The following CR2 variants were observed in gnomAD, a reference collection of about 807,000 sequenced individuals.
CR2 encodes complement C3d receptor 2, also known as complement receptor type 2.
CR2 carries 96 observed loss-of-function variants against 123.0 expected under a neutral mutation model. The ratio of observed to expected loss-of-function variants is 0.78; its 90% CI spans 0.66 to 0.93. The LOEUF (loss-of-function observed/expected upper bound fraction) is 0.93, where lower values mean the gene tolerates loss of function less well. CR2 is among the 40% of genes least tolerant of loss of function. The pLI is 0.00. For missense variants in CR2, 1,258 were observed against 1,361.0 expected (o/e 0.92, Z 1.19); for synonymous variants, 484 against 469.5 (o/e 1.03, Z -0.40).
At chr1:207,472,546 T>G (rs1658310402) in intron 9 of CR2, among the ~76,000 whole-genome samples, 1 of 152,196 alleles carries the variant, frequency 6.6e-6, no homozygotes, top group South Asian at 2.1e-4. Flanking sequence ...ACTCCTAATG[T>G]GATGTTGATC....
At chr1:207,480,160 T>C in intron 18 of CR2, 107 bp downstream of exon 18, 1 of 820,206 alleles carries the variant, frequency 1.2e-6, no homozygotes, top group Non-Finnish European at 2.1e-6. Context: ...AATACTGCAA[T>C]GTGATAACTA....
At chr1:207,470,664 T>A (rs1480677802) in intron 6 of CR2, 76 bp from the exon 7 acceptor site, 1 of 1,398,512 alleles carries the variant, frequency 7.2e-7, no homozygotes, top group Non-Finnish European at 1.0e-6. Flanking sequence ...AGCATGAATA[T>A]CAATTTCTTT....
rs749871372 is a variant in CR2 at position 207,469,106 on chromosome 1, C to T, written c.735-44C>T. On this transcript the variant is annotated intron_variant, in intron 4 of 19. Coordinates refer to ENST00000367057, the MANE Select transcript of CR2 (RefSeq NM_001006658.3). ...GTAAGTAGAGGCTGCTGTTCTTCAG[C>T]ACAAACTGCCTAATAGTTCTGAATG... 1.3e-5 allele frequency: 20 copies of T among 1,546,864 alleles called. No individual in the cohort carries two copies. In the Admixed American group the frequency reaches 2.7e-4, roughly 21 times the overall value.
intron 1 of CR2, among the ~76,000 whole-genome samples, chr1:207,460,467 A>G (rs1359871298): frequency 6.6e-6 from 1 of 152,066 alleles, no homozygotes; most frequent in East Asian, 1.9e-4. Context: ...TTATACTTTG[A>G]CTTTCACCCG....
rs778616639 is a variant in CR2 at position 207,468,645 on chromosome 1, G to T, written c.564G>T (p.Leu188Phe). The change falls in exon 3 of 20, where the codon TTG becomes TTT. Residue 188 changes from leucine (L) to phenylalanine (F), a missense_variant. By Grantham distance (22) the Leu-to-Phe change is conservative. Transcript: ENST00000367057. ...CTTACAGCTGTGAATCTGGTTACTT[G>T]CTTGTTGGAGAAAAGATCATTAACT... ...SVTYSCESGYLLVGEKIINCL... is the reference protein window; with the variant it reads ...SVTYSCESGYFLVGEKIINCL... 4 of 1,614,044 alleles carry T rather than the reference G, an allele frequency of 2.5e-6. No individual in the cohort carries two copies. The highest frequency in any genetic ancestry group is 2.5e-6 in the Non-Finnish European group (3 of 1,179,956).
intron 6 of CR2, 88 bp from the exon 7 acceptor site, chr1:207,470,652 A>G: frequency 7.7e-7 from 1 of 1,292,106 alleles, no homozygotes; most frequent in Non-Finnish European, 1.1e-6. Context: ...GAGTGGAATT[A>G]TAGCATGAAT....
chr1:207,473,369 T>G (rs1227063103), intron 10 of CR2, among the ~76,000 whole-genome samples, 176 bp from the exon 11 acceptor site: 18 of 152,178 alleles, frequency 1.2e-4, no homozygotes, highest in Admixed American at 9.8e-4. Context: ...CTGGGATCTA[T>G]TCAGGGTAGA....
intron 19 of CR2, among the ~76,000 whole-genome samples, chr1:207,487,391 A>T (rs1201321391): frequency 6.6e-6 from 1 of 152,172 alleles, no homozygotes; most frequent in African/African-American, 2.4e-5. Context: ...GGTTCAAGTG[A>T]TTCTCATGCC....
At chr1:207,460,522 A>G (rs1013835301) in intron 1 of CR2, among the ~76,000 whole-genome samples, 5 of 152,162 alleles carry the variant, frequency 3.3e-5, no homozygotes, top group Non-Finnish European at 5.9e-5. Flanking sequence ...TAAATTTGAT[A>G]TTTAAATACA....
Position 207,454,772 on chromosome 1 carries a change from C to T in CR2, c.58+296C>T, listed in dbSNP as rs982085684. 3 of 389,792 alleles carry T rather than the reference C, an allele frequency of 7.7e-6. No individual in the cohort carries two copies. The highest frequency in any genetic ancestry group is 4.3e-5 in the Admixed American group (1 of 23,354). The allele number at this position is 389,792 out of a possible 1,614,324, so 24.1% of individuals were successfully genotyped here. ...GTGCTCGCGGTCTCCTGCCGGGCTC[C>T]CCGCCCCCAGGATTCTGCAGGTGCT... is the stretch of plus-strand genomic sequence containing the variant. On this transcript the variant is annotated intron_variant, in intron 1 of 19. Coordinates refer to ENST00000367057, the MANE Select transcript of CR2 (RefSeq NM_001006658.3). This position sits in a 1 kb window ranked among gnomAD's most constrained non-coding sequence, Gnocchi z 4.3.
chr1:207,466,205 T>A (rs111356379), intron 1 of CR2, among the ~76,000 whole-genome samples: 5 of 152,308 alleles, frequency 3.3e-5, no homozygotes, highest in African/African-American at 1.2e-4. Context: ...CATGTAACTA[T>A]CATGCCACTA....
chr1:207,474,942 G>C lies in CR2; in HGVS notation c.2442G>C (p.Leu814=), dbSNP rs778121024. 1 of 1,614,062 alleles carries C rather than the reference G, an allele frequency of 6.2e-7. No individual in the cohort carries two copies. Among genetic ancestry groups the C allele is most frequent in the East Asian group, 2.2e-5 (1 of 44,884 alleles). ...SYECDQGFYL[L]GEKKLQCRSD... Reference sequence around the variant, plus strand: ...AATGTGACCAAGGATTCTATCTCCTGGGAGAGAAAAAATTGCAGTGCAGAA... The same window carrying C: ...AATGTGACCAAGGATTCTATCTCCTCGGAGAGAAAAAATTGCAGTGCAGAA... The change falls in exon 14 of 20, where the codon CTG becomes CTC. Residue 814 remains leucine (L), a synonymous_variant. Transcript: ENST00000367057.
In CR2 at chr1:207,470,842, A is replaced by G. The variant is rs748329891; in HGVS notation, c.1328A>G (p.Tyr443Cys). ...ATAAAATATAGCTGTAACCCTGGCT[A>G]TGTGCTGGTGGGAGAAGAATCCATA... is the stretch of plus-strand genomic sequence containing the variant. ...TSIKYSCNPG[Y>C]VLVGEESIQC... The change falls in exon 7 of 20, where the codon TAT becomes TGT. Residue 443 changes from tyrosine to cysteine, a missense_variant. Tyr to Cys is a radical substitution (Grantham distance 194, BLOSUM62 -2). Coordinates refer to ENST00000367057, the MANE Select transcript of CR2 (RefSeq NM_001006658.3). The G allele has an allele frequency of 6.2e-6, 10 of 1,613,802 alleles. No individual in the cohort carries two copies. The highest frequency in any genetic ancestry group is 3.4e-6 in the Non-Finnish European group (4 of 1,179,892).
In CR2 at chr1:207,467,329, G is replaced by A. The variant is rs528675779; in HGVS notation, c.445+417G>A. Among the ~76,000 whole-genome samples the A allele has an allele frequency of 1.2e-3, 176 of 151,844 alleles. 4 individuals are homozygous for A. In the South Asian group the frequency reaches 0.032, roughly 27 times the overall value. On this transcript the variant is annotated intron_variant, in intron 2 of 19. Coordinates refer to ENST00000367057, the MANE Select transcript of CR2 (RefSeq NM_001006658.3). ...TAATGTATAAGTAGCTGCTAACACA[G>A]TCTAGCACAGGTGATATCCTGCTCT... is the stretch of plus-strand genomic sequence containing the variant.
chr1:207,474,032 A>C, intron 12 of CR2, 147 bp downstream of exon 12: 1 of 861,452 alleles, frequency 1.2e-6, no homozygotes, highest in Admixed American at 2.0e-5. Context: ...CCTAAATAGC[A>C]ACTCTGACTC....
intron 13 of CR2, 63 bp from the exon 14 acceptor site, chr1:207,474,761 T>C: frequency 6.4e-7 from 1 of 1,557,998 alleles, no homozygotes; most frequent in Non-Finnish European, 8.8e-7. Context: ...CATTTGTACC[T>C]GAATGAAGAC....
At chr1:207,484,056 G>T (rs1466741981) in intron 18 of CR2, among the ~76,000 whole-genome samples, 2 of 152,178 alleles carry the variant, frequency 1.3e-5, no homozygotes, top group Non-Finnish European at 2.9e-5. Flanking sequence ...CTCATAGGAA[G>T]TCACAAGATA....
At chr1:207,477,326 T>C (rs576395576) in intron 15 of CR2, among the ~76,000 whole-genome samples, 21 of 152,230 alleles carry the variant, frequency 1.4e-4, no homozygotes, top group Middle Eastern at 3.4e-3. Flanking sequence ...ACTTATTTAC[T>C]ATCACAAAAA....
chr1:207,477,708 G>A (rs1237944919), intron 15 of CR2, among the ~76,000 whole-genome samples, 177 bp from the exon 16 acceptor site: 1 of 152,198 alleles, frequency 6.6e-6, no homozygotes, highest in Non-Finnish European at 1.5e-5. Context: ...TATTGAGATA[G>A]AGGGCTGACA....
Sources: gnomAD v4.1 joint callset for allele counts (sites outside exome capture counted in the v4.1 genomes callset) on GRCh38, gnomAD v4.1.1 for gene constraint, Gnocchi (gnomAD v3.1) non-coding constraint, MANE v1.5 for transcripts, NCBI Gene and HGNC (gene_info 2026-07-23, HGNC 2026-07-21) for gene names.